ADGRB3: variants seen among roughly 807,000 people sequenced by gnomAD.
ADGRB3 encodes adhesion G protein-coupled receptor B3.
Under a neutral mutation model 193.4 loss-of-function variants are expected in ADGRB3, and 37 were observed. The ratio of observed to expected loss-of-function variants is 0.19; its 90% CI spans 0.15 to 0.25. The LOEUF (loss-of-function observed/expected upper bound fraction) is 0.25. Ranked by LOEUF, ADGRB3 falls within the 10% of genes least tolerant of loss-of-function variation. The pLI is 1.00. For synonymous variants in ADGRB3, 690 were observed against 644.2 expected, an observed-to-expected ratio of 1.07 and a Z score of -1.08; for missense variants, 1,637 against 1,852.9, an observed-to-expected ratio of 0.88 and a Z score of 2.14.
intron 10 of ADGRB3, among the ~76,000 whole-genome samples, chr6:68,986,605 C>G (rs1332745942): frequency 6.6e-6 from 1 of 152,044 alleles, no homozygotes; most frequent in South Asian, 2.1e-4. Context: ...TAATCAAATG[C>G]CATTGTCCAA....
intron 20 of ADGRB3, among the ~76,000 whole-genome samples, chr6:69,299,259 A>C (rs1767901499): frequency 6.7e-6 from 1 of 149,544 alleles, no homozygotes; most frequent in Admixed American, 6.7e-5. Context: ...TGTTTTGTTT[A>C]GTTTTTGTTT....
chr6:69,258,443 G>A (rs1276114958), intron 20 of ADGRB3, among the ~76,000 whole-genome samples: 10 of 152,250 alleles, frequency 6.6e-5, no homozygotes, highest in South Asian at 2.1e-4. Context: ...AGTGAAGAAC[G>A]GTTGGGAATT....
At chr6:69,217,981 A>G (rs906616845) in intron 17 of ADGRB3, among the ~76,000 whole-genome samples, 5 of 151,738 alleles carry the variant, frequency 3.3e-5, no homozygotes, top group African/African-American at 9.7e-5. Context: ...CAAAGCTCTC[A>G]TATCTGGGAG....
chr6:68,935,186 C>T (rs59880009), intron 4 of ADGRB3, among the ~76,000 whole-genome samples: 6,526 of 152,250 alleles, frequency 0.043, 438 homozygotes, highest in African/African-American at 0.15. Context: ...AAGCAGTTTA[C>T]ATCAGAATGT....
intron 3 of ADGRB3, among the ~76,000 whole-genome samples, chr6:68,801,365 C>G (rs1767307204): frequency 6.6e-6 from 1 of 152,138 alleles, no homozygotes; most frequent in Non-Finnish European, 1.5e-5. Flanking sequence ...CCTGTCCTTT[C>G]CATTTTTTAG....
At chr6:68,899,209 G>A (rs1379360559) in intron 3 of ADGRB3, among the ~76,000 whole-genome samples, 1 of 152,102 alleles carries the variant, frequency 6.6e-6, no homozygotes. Flanking sequence ...AAAATTAGTT[G>A]ACAACTACCA....
intron 3 of ADGRB3, among the ~76,000 whole-genome samples, chr6:68,804,178 T>A (rs1461627959): frequency 2.0e-5 from 3 of 152,226 alleles, no homozygotes; most frequent in Non-Finnish European, 4.4e-5. Flanking sequence ...GCATAACTTT[T>A]GTAGTAACTA....
intron 20 of ADGRB3, among the ~76,000 whole-genome samples, chr6:69,294,778 G>GTTT (rs1245733791): frequency 6.6e-6 from 1 of 151,972 alleles, no homozygotes; most frequent in Non-Finnish European, 1.5e-5. Flanking sequence ...TGTTGTTGTT[G>GTTT]TTTGTTTGTT....
intron 17 of ADGRB3, among the ~76,000 whole-genome samples, chr6:69,093,413 G>A (rs1172416578): frequency 6.6e-6 from 1 of 151,830 alleles, no homozygotes; most frequent in African/African-American, 2.4e-5. Context: ...GGGTTCAGGG[G>A]AAGAGAGGAA....
intron 11 of ADGRB3, among the ~76,000 whole-genome samples, chr6:69,011,119 G>C (rs1490106769): frequency 7.2e-6 from 1 of 139,378 alleles, no homozygotes; most frequent in African/African-American, 2.8e-5. Context: ...ATTAGTATGT[G>C]TATATATACA....
At chr6:69,086,556 T>C (rs1324532514) in intron 17 of ADGRB3, among the ~76,000 whole-genome samples, 1 of 152,180 alleles carries the variant, frequency 6.6e-6, no homozygotes. Flanking sequence ...TTACTAGGTT[T>C]TATGATACTG....
At chr6:68,875,619 A>G (rs1309749888) in intron 3 of ADGRB3, among the ~76,000 whole-genome samples, 1 of 152,066 alleles carries the variant, frequency 6.6e-6, no homozygotes, top group African/African-American at 2.4e-5. Context: ...GGATAACGGC[A>G]TTATTATTGC....
intron 3 of ADGRB3, among the ~76,000 whole-genome samples, chr6:68,813,381 G>A (rs890502191): frequency 6.6e-6 from 1 of 152,030 alleles, no homozygotes; most frequent in Non-Finnish European, 1.5e-5. Flanking sequence ...CACTATTTTT[G>A]TACTCACTGG....
At chr6:69,227,590 A>G (rs951583050) in intron 17 of ADGRB3, among the ~76,000 whole-genome samples, 3 of 152,194 alleles carry the variant, frequency 2.0e-5, no homozygotes, top group African/African-American at 4.8e-5. Context: ...AGAACTGATT[A>G]GGCAGAAAAC....
chr6:69,225,882 T>C lies in ADGRB3; in HGVS notation c.2481-7408T>C, dbSNP rs185618136. ...TTAGCTATTTTCACTAGTGTGATGATGATTTGCCTGTTGACTAATTAATGA... is the reference window on the plus strand; with the variant it reads ...TTAGCTATTTTCACTAGTGTGATGACGATTTGCCTGTTGACTAATTAATGA... On this transcript the variant is annotated intron_variant, in intron 17 of 31. Coordinates refer to ENST00000370598, the MANE Select transcript of ADGRB3 (RefSeq NM_001704.3). Among the ~76,000 whole-genome samples, 555 of 152,304 alleles carry C rather than the reference T, an allele frequency of 3.6e-3. 4 individuals carry two copies. Among genetic ancestry groups the C allele is most frequent in the Middle Eastern group, 0.024 (7 of 294 alleles).
chr6:69,210,243 GGA>G (rs1436666939), intron 17 of ADGRB3, among the ~76,000 whole-genome samples: 1 of 146,774 alleles, frequency 6.8e-6, no homozygotes, highest in Non-Finnish European at 1.5e-5. Context: ...TGAGGAGCAA[GGA>G]GAGCCAGTTT....
At chr6:69,225,185 C>CT (rs1274382162) in intron 17 of ADGRB3, among the ~76,000 whole-genome samples, 1 of 152,130 alleles carries the variant, frequency 6.6e-6, no homozygotes, top group Admixed American at 6.6e-5. Flanking sequence ...CACAAGATTT[C>CT]TTTTTTTAAC....
intron 31 of ADGRB3, among the ~76,000 whole-genome samples, chr6:69,385,606 T>A (rs1486351540): frequency 6.6e-6 from 1 of 152,102 alleles, no homozygotes; most frequent in Non-Finnish European, 1.5e-5. Flanking sequence ...CAAATATGCA[T>A]CTGTTTAACT....
intron 3 of ADGRB3, among the ~76,000 whole-genome samples, chr6:68,867,703 G>A (rs572013483): frequency 6.6e-6 from 1 of 152,218 alleles, no homozygotes; most frequent in Non-Finnish European, 1.5e-5. Context: ...GGGTGGAGCT[G>A]CCCAAGGCTT....
Sources: allele counts gnomAD v4.1 joint callset (sites outside exome capture counted in the v4.1 genomes callset), GRCh38; gene constraint gnomAD v4.1.1; transcripts MANE v1.5; gene names NCBI Gene and HGNC (gene_info 2026-07-23, HGNC 2026-07-21).